TBC1D26: variants seen among roughly 807,000 people sequenced by gnomAD.
TBC1D26 encodes TBC1 domain family, member 26.
Under a neutral mutation model 42.5 loss-of-function variants are expected in TBC1D26, and 19 were observed. The observed-to-expected ratio is 0.45, with a 90% CI of 0.31 to 0.66. TBC1D26 has a LOEUF of 0.66. TBC1D26 is among the 30% of genes least tolerant of loss of function. TBC1D26 has a pLI of 0.06. For missense variants in TBC1D26, 228 were observed against 332.6 expected (o/e 0.69, Z 2.45); for synonymous variants, 97 against 123.5 (o/e 0.79, Z 1.42).
Position 15,741,939 on chromosome 17 carries a change from C to T in TBC1D26, c.647-3C>T. The T allele has an allele frequency of 2.5e-6, 4 of 1,613,846 alleles. No individual in the cohort carries two copies. The East Asian group carries it at 8.9e-5, about 36-fold the overall frequency. On this transcript the variant is annotated splice_polypyrimidine_tract_variant and splice_region_variant and intron_variant, in intron 10 of 14. Coordinates refer to ENST00000437605, the MANE Select transcript of TBC1D26 (RefSeq NM_001388465.1). ...ATGGGGTGATGGGTCGCGGGCTTCT[C>T]AGTATTCTACAGCCCAAATACTGCC... is the stretch of plus-strand genomic sequence containing the variant.
chr17:15,733,338 C>T (rs969324261), intron 1 of TBC1D26, among the ~76,000 whole-genome samples: 2 of 152,116 alleles, frequency 1.3e-5, no homozygotes, highest in African/African-American at 4.8e-5. Flanking sequence ...TGAGTCATGG[C>T]ACCCTGGAAG....
intron 14 of TBC1D26, among the ~76,000 whole-genome samples, chr17:15,743,978 CA>C (rs1967858102): frequency 1.3e-5 from 2 of 151,948 alleles, no homozygotes; most frequent in East Asian, 3.9e-4. Flanking sequence ...AGTCAGATAA[CA>C]AAGGTTTGCC....
At chr17:15,741,346 C>G (rs1967773513) in intron 10 of TBC1D26, 125 bp downstream of exon 10, 2 of 1,541,634 alleles carry the variant, frequency 1.3e-6, no homozygotes, top group East Asian at 2.3e-5. Context: ...TGTATCCCAG[C>G]TTGTTTGGAG....
chr17:15,740,674 G>A, intron 9 of TBC1D26: 1 of 1,085,588 alleles, frequency 9.2e-7, no homozygotes, highest in Non-Finnish European at 1.1e-6. Context: ...TGCATGAGCT[G>A]CCCACATGGA....
Position 15,744,057 on chromosome 17 carries a change from G to A in TBC1D26, c.1058-186G>A, listed in dbSNP as rs114680808. Among the ~76,000 whole-genome samples, 950 of 152,058 alleles carry A rather than the reference G, an allele frequency of 6.2e-3. 10 individuals are homozygous for A. Among genetic ancestry groups the A allele is most frequent in the African/African-American group, 0.022 (901 of 41,450 alleles). On this transcript the variant is annotated intron_variant, in intron 14 of 14. Coordinates refer to ENST00000437605, the MANE Select transcript of TBC1D26 (RefSeq NM_001388465.1). Reference sequence around the variant, plus strand: ...TCAGAGGCTTCAGATTCGAAGATGAGGCCAAGCAGGAGACTCCTGACCCAC... The same window carrying A: ...TCAGAGGCTTCAGATTCGAAGATGAAGCCAAGCAGGAGACTCCTGACCCAC...
Position 15,738,086 on chromosome 17 carries a change from G to T in TBC1D26, c.279+9G>T. 1 of 1,614,234 alleles carries T rather than the reference G, an allele frequency of 6.2e-7. No homozygotes were observed. The highest frequency in any genetic ancestry group is 2.2e-5 in the East Asian group (1 of 44,870). On this transcript the variant is annotated intron_variant, in intron 6 of 14. Transcript: ENST00000437605. ...ATAGGAGCACCAAGAAGGTAACATG[G>T]GGAGGAAGTGGCCCGCGTGACTGCT...
At chr17:15,740,955 C>T in intron 9 of TBC1D26, 167 bp from the exon 10 acceptor site, 1 of 870,148 alleles carries the variant, frequency 1.1e-6, no homozygotes, top group Non-Finnish European at 1.8e-6. Flanking sequence ...CCTGCTCAGT[C>T]CTCATGTCCA....
intron 9 of TBC1D26, chr17:15,740,837 A>G (rs1967757134): frequency 2.6e-5 from 16 of 604,406 alleles, no homozygotes; most frequent in Non-Finnish European, 4.0e-5. Context: ...AGCCTGGCCC[A>G]GGGGAGGGAG....
intron 10 of TBC1D26, 75 bp from the exon 11 acceptor site, chr17:15,741,867 G>C: frequency 6.7e-7 from 1 of 1,495,170 alleles, no homozygotes; most frequent in Non-Finnish European, 9.2e-7. Flanking sequence ...CCCCTGCCCT[G>C]CCCAGCTCTT....
In TBC1D26 at chr17:15,742,463, G is replaced by A. The variant is rs542836960; in HGVS notation, c.791G>A (p.Arg264Gln). Reference sequence around the variant, plus strand: ...GGTTCCATGCTGACGAGGCTCCTCCGGTGTTTCCTTGATGGGGTAAGGAGG... The same window carrying A: ...GGTTCCATGCTGACGAGGCTCCTCCAGTGTTTCCTTGATGGGGTAAGGAGG... The part of the protein sequence containing the change: ...IEGSMLTRLL[R>Q]CFLDGKSFGL... Residue 264 changes from arginine to glutamine, a missense_variant, in exon 12 of 15, where the codon CGG becomes CAG. By Grantham distance (43) the Arg-to-Gln change is conservative (BLOSUM62 1). Transcript: ENST00000437605. The A allele has an allele frequency of 3.8e-5, 9 of 238,208 alleles. No individual in the cohort carries two copies. Among genetic ancestry groups the A allele is most frequent in the African/African-American group, 1.2e-4 (5 of 42,912 alleles). The allele number at this position is 238,208 out of a possible 1,614,324, so 14.8% of individuals were successfully genotyped here.
At chr17:15,740,971 A>AGGGGAGG in intron 9 of TBC1D26, 151 bp from the exon 10 acceptor site, 1 of 1,003,588 alleles carries the variant, frequency 1.0e-6, no homozygotes, top group East Asian at 2.5e-5. Flanking sequence ...GTCCAGTGCC[A>AGGGGAGG]GGGGAGGGGT....
Position 15,740,091 on chromosome 17 carries a change from C to T in TBC1D26, c.498-9C>T, listed in dbSNP as rs1365473811. 1.2e-6 allele frequency: 2 copies of T among 1,607,566 alleles called. No homozygotes were observed. The highest frequency in any genetic ancestry group is 1.3e-5 in the African/African-American group (1 of 74,732). The stretch of plus-strand genomic sequence containing the variant: ...ACAAAAAAAAAACCCTCTTTCCCCT[C>T]TTTTCTAGGCAGCAGGAATTATGTG... On this transcript the variant is annotated splice_polypyrimidine_tract_variant and intron_variant, in intron 8 of 14. Coordinates refer to ENST00000437605, the MANE Select transcript of TBC1D26 (RefSeq NM_001388465.1).
At chr17:15,742,605 G>T in intron 12 of TBC1D26, 126 bp downstream of exon 12, 1 of 170,758 alleles carries the variant, frequency 5.9e-6, no homozygotes, top group Non-Finnish European at 1.2e-5. Flanking sequence ...CCAAGAGGGG[G>T]CATCCCATGG....
At chr17:15,740,963 C>T in intron 9 of TBC1D26, 159 bp from the exon 10 acceptor site, 1 of 929,502 alleles carries the variant, frequency 1.1e-6, no homozygotes, top group East Asian at 2.6e-5. Flanking sequence ...GTCCTCATGT[C>T]CAGTGCCAGG....
At chr17:15,739,692 G>A (rs1406493526) in intron 8 of TBC1D26, among the ~76,000 whole-genome samples, 26 of 152,298 alleles carry the variant, frequency 1.7e-4, no homozygotes, top group South Asian at 4.1e-4. Context: ...GCCGGGAGAC[G>A]TTGGCTGCAA....
In TBC1D26 at chr17:15,735,380, C is replaced by T. The variant is rs760885675; in HGVS notation, c.32C>T (p.Pro11Leu). The change falls in exon 3 of 15, where the codon CCT becomes CTT. Residue 11 changes from proline to leucine, a missense_variant. Pro to Leu is a moderately conservative substitution (Grantham distance 98, BLOSUM62 -3). This residue lies in a region of TBC1D26 where 18 missense variants were observed against 22.5 expected (regional missense o/e 0.80). Coordinates refer to ENST00000437605, the MANE Select transcript of TBC1D26 (RefSeq NM_001388465.1). ...ATGGATGGGGACCCGTATAACCTGC[C>T]TGCCCAGGGGCAAGGCAATATCATC... MEMDGDPYNL[P>L]AQGQGNIIIT... 9 of 1,613,738 alleles carry T rather than the reference C, an allele frequency of 5.6e-6. No homozygotes were observed. The Admixed American group carries it at 1.3e-4, about 24-fold the overall frequency.
At chr17:15,736,456 G>T (rs1399295407) in intron 4 of TBC1D26, 1 of 151,702 alleles carries the variant, frequency 6.6e-6, no homozygotes, top group East Asian at 1.9e-4. Flanking sequence ...GGGAACAGTG[G>T]CTCACCTGGG....
intron 8 of TBC1D26, among the ~76,000 whole-genome samples, chr17:15,739,762 G>A (rs1251037488): frequency 6.6e-6 from 1 of 152,284 alleles, no homozygotes; most frequent in East Asian, 1.9e-4. Flanking sequence ...CTGCAGTGGT[G>A]GACGGGAGGC....
Position 15,737,496 on chromosome 17 carries a change from GCCC to G in TBC1D26, c.173_175del (p.Pro58del). ...GGTTGCCTTACAGTGAGATGGAGCT[GCCC>G]CACGTCAGTGCCCTGGAGGTGAAGG... is the stretch of plus-strand genomic sequence containing the variant. On this transcript the variant is annotated inframe_deletion, in exon 5 of 15. Transcript: ENST00000437605. The G allele has an allele frequency of 7.7e-7, 1 of 1,298,626 alleles. No homozygotes were observed. Among genetic ancestry groups the G allele is most frequent in the Non-Finnish European group, 1.1e-6 (1 of 919,902 alleles). The allele number at this position is 1,298,626 out of a possible 1,614,324, so 80.4% of individuals were successfully genotyped here.
Sources: gnomAD v4.1 joint callset for allele counts (sites outside exome capture counted in the v4.1 genomes callset) on GRCh38, gnomAD v4.1.1 for gene constraint, gnomAD v4.1.1 regional missense constraint, MANE v1.5 for transcripts, NCBI Gene and HGNC (gene_info 2026-07-23, HGNC 2026-07-21) for gene names.